COX10: variants seen among roughly 807,000 people sequenced by gnomAD.
COX10 encodes the protein protoheme IX farnesyltransferase, mitochondrial.
COX10 carries 27 observed loss-of-function variants against 37.3 expected under a neutral mutation model. The observed-to-expected ratio is 0.72, with a 90% CI of 0.53 to 1.00. The LOEUF is 1.00. Among genes scored for constraint, COX10 ranks in the 50% least tolerant of loss-of-function variants. The probability of loss-of-function intolerance (pLI) is 0.00; values close to 1 mark genes in which losing one functional copy is unlikely to be tolerated. For synonymous variants in COX10, 222 were observed against 229.1 expected (o/e 0.97, Z 0.28); for missense variants, 475 against 563.2 (o/e 0.84, Z 1.59).
chr17:14,201,508 G>C (rs1167844991), intron 6 of COX10, among the ~76,000 whole-genome samples: 1 of 152,134 alleles, frequency 6.6e-6, no homozygotes, highest in Non-Finnish European at 1.5e-5. Flanking sequence ...ATTTTAAGCA[G>C]AAGCATTACT....
rs1433660813 is a variant in COX10, at chr17:14,207,185, G to T, written c.1304G>T (p.Gly435Val). ...LMLTCKRPSGGGDAGPPPS is the reference protein window; with the variant it reads ...LMLTCKRPSGVGDAGPPPS ...CTCACCTGCAAGCGGCCGAGCGGAG[G>T]CGGGGACGCAGGGCCCCCTCCCAGC... The change falls in exon 7 of 7, where the codon GGC becomes GTC. Residue 435 changes from glycine to valine, a missense_variant. Physicochemically the swap from Gly to Val is moderately radical, Grantham distance 109 (BLOSUM62 -3). Transcript: ENST00000261643. 1 of 1,603,124 alleles carries T rather than the reference G, an allele frequency of 6.2e-7. No individual in the cohort carries two copies. The highest frequency in any genetic ancestry group is 8.5e-7 in the Non-Finnish European group (1 of 1,176,476).
intron 4 of COX10, among the ~76,000 whole-genome samples, chr17:14,136,511 C>A (rs1326069866): frequency 1.3e-5 from 2 of 152,036 alleles, no homozygotes; most frequent in African/African-American, 4.8e-5. Context: ...GTGGGACATA[C>A]TGATGTTTCA....
At chr17:14,081,391 A>G (rs1228236532) in intron 3 of COX10, among the ~76,000 whole-genome samples, 1 of 152,184 alleles carries the variant, frequency 6.6e-6, no homozygotes, top group African/African-American at 2.4e-5. Flanking sequence ...AATGAGTAGG[A>G]CCTTAGCTAG....
chr17:14,079,866 ATG>A (rs1915243036), intron 3 of COX10, among the ~76,000 whole-genome samples: 2 of 144,584 alleles, frequency 1.4e-5, no homozygotes, highest in South Asian at 2.1e-4. Flanking sequence ...ATATGTATGT[ATG>A]TATGTATGTA....
chr17:14,086,677 A>C (rs1915415277), intron 3 of COX10, among the ~76,000 whole-genome samples: 1 of 152,120 alleles, frequency 6.6e-6, no homozygotes, highest in Admixed American at 6.5e-5. Context: ...AATAATGATT[A>C]AGTTTATCTC....
intron 4 of COX10, 84 bp from the exon 5 acceptor site, chr17:14,159,793 A>G: frequency 9.8e-7 from 1 of 1,022,360 alleles, no homozygotes; most frequent in South Asian, 1.4e-5. Flanking sequence ...GAAGTTTACT[A>G]CAGAAAAAAT....
chr17:14,189,836 G>A (rs1168814825), intron 5 of COX10, among the ~76,000 whole-genome samples: 1 of 152,162 alleles, frequency 6.6e-6, no homozygotes, highest in Non-Finnish European at 1.5e-5. Flanking sequence ...CAAGGAATGT[G>A]TGTGGTCCAC....
In COX10 at chr17:14,086,168, T is replaced by C. The variant is rs1567587927; in HGVS notation, c.499+9112T>C. Among the ~76,000 whole-genome samples, 3 of 152,266 alleles carry C rather than the reference T, an allele frequency of 2.0e-5. No individual in the cohort carries two copies. In the South Asian group the frequency reaches 6.2e-4, roughly 32 times the overall value. On this transcript the variant is annotated intron_variant, in intron 3 of 6. Coordinates refer to ENST00000261643, the MANE Select transcript of COX10 (RefSeq NM_001303.4). ...CTTTGTTTTCATGTGCAAAAGTTAA[T>C]TTTATGTAACCAAAGGTATTTTCTT...
chr17:14,096,364 G>GTT lies in COX10; in HGVS notation c.500-5742_500-5741dup, dbSNP rs56369104. On this transcript the variant is annotated intron_variant, in intron 3 of 6. Coordinates refer to ENST00000261643, the MANE Select transcript of COX10 (RefSeq NM_001303.4). ...TTTCAAAATTTTTAAATGTAGGTGT[G>GTT]TTTTTTTTTTTTTCTTTTTTTTTTT... Among the ~76,000 whole-genome samples the GTT allele has an allele frequency of 1.9e-3, 247 of 128,696 alleles. 1 individual carries two copies. The highest frequency in any genetic ancestry group is 6.9e-3 in the African/African-American group (236 of 34,394). The allele number at this position is 128,696 out of a possible 152,430, so 84.4% of individuals were successfully genotyped here. A position where few individuals can be genotyped will look rare whatever the true frequency, so the allele number is the denominator to read the frequency against.
intron 4 of COX10, among the ~76,000 whole-genome samples, chr17:14,142,193 G>A (rs967777873): frequency 2.6e-5 from 4 of 152,058 alleles, no homozygotes; most frequent in African/African-American, 9.7e-5. Flanking sequence ...TTTTCTTTTT[G>A]GAAGTATTTT....
At chr17:14,111,540 G>T (rs1916006458) in intron 4 of COX10, among the ~76,000 whole-genome samples, 1 of 152,000 alleles carries the variant, frequency 6.6e-6, no homozygotes, top group Non-Finnish European at 1.5e-5. Context: ...ATTCTGACTG[G>T]CCTTTCCTTA....
At chr17:14,205,636 C>T (rs1428940880) in intron 6 of COX10, among the ~76,000 whole-genome samples, 1 of 152,244 alleles carries the variant, frequency 6.6e-6, no homozygotes, top group Non-Finnish European at 1.5e-5. Flanking sequence ...CAGCCCCTGC[C>T]TTCCAGCCCC....
chr17:14,148,969 ATT>A (rs1238667404), intron 4 of COX10, among the ~76,000 whole-genome samples: 1 of 148,280 alleles, frequency 6.7e-6, no homozygotes. Flanking sequence ...ATAACGTTAT[ATT>A]TTATAATATA....
At chr17:14,130,786 T>G (rs1916446648) in intron 4 of COX10, among the ~76,000 whole-genome samples, 1 of 152,140 alleles carries the variant, frequency 6.6e-6, no homozygotes, top group African/African-American at 2.4e-5. Flanking sequence ...TTTTGTTTCC[T>G]CCTGATTTTT....
At chr17:14,152,423 C>T (rs113469748) in intron 4 of COX10, among the ~76,000 whole-genome samples, 4 of 152,094 alleles carry the variant, frequency 2.6e-5, no homozygotes, top group Non-Finnish European at 4.4e-5. Context: ...TGGGGGAAAC[C>T]GCTACCATGA....
At chr17:14,086,184 G>C (rs559292332) in intron 3 of COX10, among the ~76,000 whole-genome samples, 1 of 152,070 alleles carries the variant, frequency 6.6e-6, no homozygotes, top group East Asian at 1.9e-4. Flanking sequence ...GTAACCAAAG[G>C]TATTTTCTTA....
At position 14,128,909 on chromosome 17, in the gene COX10, C is replaced by T. The variant is rs145316594; in HGVS notation, c.624+26667C>T. Among the ~76,000 whole-genome samples the T allele has an allele frequency of 7.4e-3, 1,128 of 152,296 alleles. 15 individuals are homozygous for T. Among genetic ancestry groups the T allele is most frequent in the African/African-American group, 0.025 (1,042 of 41,578 alleles). On this transcript the variant is annotated intron_variant, in intron 4 of 6. Transcript: ENST00000261643. ...GCGCCCAGGCGAGAGTGCAGTGGCG[C>T]GATCTCGGCCCACTGCAACCTCTGC...
At chr17:14,156,381 C>T (rs1020949979) in intron 4 of COX10, among the ~76,000 whole-genome samples, 1 of 152,246 alleles carries the variant, frequency 6.6e-6, no homozygotes, top group South Asian at 2.1e-4. Flanking sequence ...AGGCACCCGC[C>T]ACCGCGCCCG....
At chr17:14,196,920 G>A (rs1906385006) in intron 6 of COX10, among the ~76,000 whole-genome samples, 1 of 152,178 alleles carries the variant, frequency 6.6e-6, no homozygotes, top group Admixed American at 6.5e-5. Context: ...AATGGATGAA[G>A]GATACATGTT....
Sources: gnomAD v4.1 joint callset for allele counts (sites outside exome capture counted in the v4.1 genomes callset) on GRCh38, gnomAD v4.1.1 for gene constraint, MANE v1.5 for transcripts, NCBI Gene and HGNC (gene_info 2026-07-23, HGNC 2026-07-21) for gene names.